FBLN1: variants seen among roughly 807,000 people sequenced by gnomAD.
FBLN1 encodes fibulin 1.
In FBLN1, 34 loss-of-function variants were observed where a neutral mutation model predicts 89.7. That is an observed-to-expected ratio of 0.38 (90% confidence interval 0.29 to 0.50). FBLN1 has a LOEUF of 0.50. Ranked by LOEUF, FBLN1 falls within the 20% of genes least tolerant of loss-of-function variation. The pLI is 0.92. For missense variants in FBLN1, 777 were observed against 988.1 expected (o/e 0.79, Z 2.86); for synonymous variants, 393 against 391.3 (o/e 1.00, Z -0.05).
intron 14 of FBLN1, chr22:45,565,370 C>A: frequency 3.8e-6 from 4 of 1,048,120 alleles, no homozygotes; most frequent in Non-Finnish European, 4.9e-6. Flanking sequence ...TGCTTGTACC[C>A]TGGCCCCACG....
chr22:45,541,672 C>T (rs1199381195), intron 9 of FBLN1, among the ~76,000 whole-genome samples: 2 of 152,224 alleles, frequency 1.3e-5, no homozygotes, highest in Non-Finnish European at 2.9e-5. Flanking sequence ...GCTTACAGTC[C>T]AGTCCCCCAG....
chr22:45,567,407 G>A (rs1034470871), intron 14 of FBLN1, among the ~76,000 whole-genome samples: 1 of 152,322 alleles, frequency 6.6e-6, no homozygotes, highest in South Asian at 2.1e-4. Flanking sequence ...CTGAAGGTCG[G>A]GAGTTCAAGA....
rs936822371 is a variant in FBLN1, at chr22:45,576,001, C to T, written c.1841-976C>T. On this transcript the variant is annotated intron_variant, in intron 15 of 16. Coordinates refer to ENST00000327858, the MANE Select transcript of FBLN1 (RefSeq NM_006486.3). This position sits in a 1 kb window ranked among gnomAD's most constrained non-coding sequence, Gnocchi z 5.2. ...GGGAGGCATGCAACGGAGCCAGCCG[C>T]GAGGACACCAGTGTTTACACCATGA... Among the ~76,000 whole-genome samples the T allele has an allele frequency of 2.0e-5, 3 of 151,974 alleles. No homozygotes were observed. Among genetic ancestry groups the T allele is most frequent in the Admixed American group, 6.5e-5 (1 of 15,276 alleles).
intron 1 of FBLN1, among the ~76,000 whole-genome samples, chr22:45,504,363 C>T (rs2087989557): frequency 6.6e-6 from 1 of 152,194 alleles, no homozygotes; most frequent in Admixed American, 6.5e-5. Context: ...TGTGGGGAGG[C>T]GCAGAGCTCA....
chr22:45,522,858 T>C (rs960534034), intron 2 of FBLN1, among the ~76,000 whole-genome samples: 3 of 152,194 alleles, frequency 2.0e-5, no homozygotes, highest in African/African-American at 7.2e-5. Context: ...CTTCTTTATT[T>C]TGCAAATCTC....
At chr22:45,516,348 C>A (rs568506858) in intron 1 of FBLN1, among the ~76,000 whole-genome samples, 1 of 152,328 alleles carries the variant, frequency 6.6e-6, no homozygotes, top group South Asian at 2.1e-4. Flanking sequence ...AGCAGCCTCG[C>A]TGTCAGGCCA....
intron 16 of FBLN1, among the ~76,000 whole-genome samples, chr22:45,598,531 T>C (rs1192671214): frequency 1.3e-5 from 2 of 152,194 alleles, no homozygotes; most frequent in African/African-American, 2.4e-5. Flanking sequence ...TGCAGCTTCC[T>C]CTGCAGGAGG....
At chr22:45,505,657 G>T (rs2088009283) in intron 1 of FBLN1, among the ~76,000 whole-genome samples, 1 of 152,166 alleles carries the variant, frequency 6.6e-6, no homozygotes, top group African/African-American at 2.4e-5. Context: ...GAGATGGTTT[G>T]GTGGTTTTCT....
intron 16 of FBLN1, among the ~76,000 whole-genome samples, chr22:45,593,854 T>C (rs1406238416): frequency 1.3e-5 from 2 of 152,210 alleles, no homozygotes; most frequent in Non-Finnish European, 2.9e-5. Context: ...GACGTGTTCA[T>C]GGCAGAAGGC....
chr22:45,527,179 A>G (rs1421634890), intron 3 of FBLN1, among the ~76,000 whole-genome samples: 1 of 152,174 alleles, frequency 6.6e-6, no homozygotes, highest in Non-Finnish European at 1.5e-5. Context: ...TAGGATAACC[A>G]CTTAATAAAG....
At position 45,600,312 on chromosome 22, in the gene FBLN1, G is replaced by A. The variant is rs547023826; in HGVS notation, c.1978G>A (p.Val660Met). Residue 660 changes from valine (V) to methionine (M), a missense_variant, in exon 17 of 17, where the codon GTG (valine) becomes ATG (methionine). Val to Met is a conservative substitution (Grantham distance 21, BLOSUM62 1). Coordinates refer to ENST00000327858, the MANE Select transcript of FBLN1 (RefSeq NM_006486.3). ...RYMDGMTVGV[V>M]RQVRPIVGPF... The stretch of plus-strand genomic sequence containing the variant: ...ACCTTCTGCTCTCTCCGCAGGTGTC[G>A]TGCGCCAGGTGCGGCCCATCGTGGG... 135 of 1,614,188 alleles carry A rather than the reference G, an allele frequency of 8.4e-5. No homozygotes were observed. In the South Asian group the frequency reaches 1.2e-3, roughly 15 times the overall value.
rs1270041038 is a variant in FBLN1, at chr22:45,574,571, C to T, written c.1758C>T (p.Val586=). 6.2e-7 allele frequency: 1 copy of T among 1,614,060 alleles called. No homozygotes were observed. Among genetic ancestry groups the T allele is most frequent in the East Asian group, 2.2e-5 (1 of 44,880 alleles). The change falls in exon 15 of 17, where the codon GTC becomes GTT. Residue 586 remains valine (V), a synonymous_variant. Transcript: ENST00000327858. The surrounding 1 kb of genome is among the most constrained non-coding windows in gnomAD (Gnocchi z 4.1). ...RCIKSCRPND[V]TCVFDPVHTI... ...TCAAGTCCTGCCGCCCCAACGATGT[C>T]ACATGCGTGTTCGACCCCGTGCACA...
intron 1 of FBLN1, among the ~76,000 whole-genome samples, chr22:45,509,073 G>A (rs1237261824): frequency 1.3e-5 from 2 of 152,150 alleles, no homozygotes; most frequent in African/African-American, 2.4e-5. Context: ...CCTGAGGAGA[G>A]CAAGCGTCCT....
chr22:45,525,408 T>C (rs964316633), intron 2 of FBLN1, 135 bp from the exon 3 acceptor site: 7 of 791,990 alleles, frequency 8.8e-6, no homozygotes, highest in African/African-American at 3.4e-5. Flanking sequence ...ACTGGGGCAC[T>C]GTGTATTTCT....
rs1341614101 is a variant in FBLN1 at position 45,578,811 on chromosome 22, T to A, written c.1972+1703T>A. ...AGTTTGGAATCCTAGGACCTTCTAGTTCACTCACTCATTCTTTCCGTTTCT... is the reference window on the plus strand; with the variant it reads ...AGTTTGGAATCCTAGGACCTTCTAGATCACTCACTCATTCTTTCCGTTTCT... On this transcript the variant is annotated intron_variant, in intron 16 of 16. Transcript: ENST00000327858. The surrounding 1 kb of genome is among the most constrained non-coding windows in gnomAD (Gnocchi z 4.6). Among the ~76,000 whole-genome samples, 1 of 152,326 alleles carries A rather than the reference T, an allele frequency of 6.6e-6. No homozygotes were observed. Among genetic ancestry groups the A allele is most frequent in the East Asian group, 1.9e-4 (1 of 5,178 alleles).
intron 16 of FBLN1, among the ~76,000 whole-genome samples, chr22:45,593,487 G>A (rs887045182): frequency 6.6e-6 from 1 of 152,216 alleles, no homozygotes; most frequent in African/African-American, 2.4e-5. Flanking sequence ...TACCAGCAGC[G>A]TCTGAGACCT....
chr22:45,548,225 A>AT (rs767425793), intron 12 of FBLN1, among the ~76,000 whole-genome samples: 62 of 151,794 alleles, frequency 4.1e-4, no homozygotes, highest in Non-Finnish European at 7.5e-4. Flanking sequence ...AACTTTTTTG[A>AT]TTTTTTGTAG....
chr22:45,519,563 G>A (rs1446178642), intron 2 of FBLN1, among the ~76,000 whole-genome samples: 2 of 149,898 alleles, frequency 1.3e-5, no homozygotes, highest in Middle Eastern at 3.4e-3. Flanking sequence ...GGCGGAGGCT[G>A]CAGTGAGCTG....
intron 14 of FBLN1, among the ~76,000 whole-genome samples, chr22:45,552,119 A>G (rs552960177): frequency 6.9e-4 from 105 of 152,362 alleles, no homozygotes; most frequent in Admixed American, 1.7e-3. Flanking sequence ...TACTGCGTGC[A>G]GGCACCTGGG....
Sources: allele counts gnomAD v4.1 joint callset (sites outside exome capture counted in the v4.1 genomes callset), GRCh38; gene constraint gnomAD v4.1.1; non-coding constraint Gnocchi (gnomAD v3.1); transcripts MANE v1.5; gene names NCBI Gene and HGNC (gene_info 2026-07-23, HGNC 2026-07-21).